Variants in ZXDC observed in about 807,000 individuals in gnomAD.
The protein encoded by ZXDC is zinc finger protein ZXDC.
In ZXDC, 58 loss-of-function variants were observed where a neutral mutation model predicts 63.6. The ratio of observed to expected loss-of-function variants is 0.91; its 90% CI spans 0.74 to 1.13. The LOEUF is 1.13. Ranked by LOEUF, ZXDC falls within the 50% of genes most tolerant of loss-of-function variation. ZXDC has a pLI of 0.00. For missense variants in ZXDC, 1,133 were observed against 1,148.9 expected (o/e 0.99, Z 0.20); for synonymous variants, 561 against 496.1 (o/e 1.13, Z -1.74).
At chr3:126,466,070 G>A (rs1934745350) in intron 5 of ZXDC, 85 bp downstream of exon 5, 1 of 1,482,250 alleles carries the variant, frequency 6.7e-7, no homozygotes, top group Non-Finnish European at 9.1e-7. Context: ...CCTTCCAAGA[G>A]GTGAAGAAGG....
intron 5 of ZXDC, among the ~76,000 whole-genome samples, chr3:126,465,356 T>C (rs1934715224): frequency 6.6e-6 from 1 of 152,252 alleles, no homozygotes; most frequent in African/African-American, 2.4e-5. Flanking sequence ...AGTCCCATGC[T>C]GCAAAGCTGC....
At chr3:126,446,409 A>T (rs1326328652) in intron 7 of ZXDC, among the ~76,000 whole-genome samples, 1 of 152,186 alleles carries the variant, frequency 6.6e-6, no homozygotes, top group Non-Finnish European at 1.5e-5. Flanking sequence ...CTTTCACCTC[A>T]CCGTGCCATG....
chr3:126,458,641 G>A (rs1934403042), intron 7 of ZXDC: 2 of 985,234 alleles, frequency 2.0e-6, no homozygotes, highest in Non-Finnish European at 2.4e-6. Flanking sequence ...GTAATAAATA[G>A]GACACGTGTT....
chr3:126,475,360 C>G lies in ZXDC; in HGVS notation c.506G>C (p.Gly169Ala). 2.0e-6 allele frequency: 3 copies of G among 1,478,664 alleles called. No homozygotes were observed. Among genetic ancestry groups the G allele is most frequent in the Non-Finnish European group, 2.7e-6 (3 of 1,115,050 alleles). The allele number at this position is 1,478,664 out of a possible 1,614,324, so 91.6% of individuals were successfully genotyped here. A position where few individuals can be genotyped will look rare whatever the true frequency, so the allele number is the denominator to read the frequency against. ...AAPRRAPQAS[G>A]PSTPGYRCPE... ...GCAGCGGTAGCCGGGCGTGCTGGGG[C>G]CGGAGGCCTGGGGCGCGCGGCGGGG... The change falls in exon 1 of 10, where the codon GGC becomes GCC. Residue 169 changes from glycine (G) to alanine (A), a missense_variant. Gly to Ala is a moderately conservative substitution (Grantham distance 60). Transcript: ENST00000389709.
At chr3:126,438,719 T>C (rs907954578) in intron 9 of ZXDC, among the ~76,000 whole-genome samples, 3 of 152,250 alleles carry the variant, frequency 2.0e-5, no homozygotes, top group Non-Finnish European at 2.9e-5. Flanking sequence ...TATGCCTTTT[T>C]ACAGAAACAA....
intron 7 of ZXDC, chr3:126,454,256 C>CAA: frequency 1.0e-6 from 1 of 984,790 alleles, no homozygotes; most frequent in Non-Finnish European, 1.2e-6. Context: ...TTTCAAACTG[C>CAA]TAGTTTCTAT....
intron 9 of ZXDC, among the ~76,000 whole-genome samples, chr3:126,438,923 G>A (rs558240939): frequency 9.9e-5 from 15 of 152,244 alleles, no homozygotes; most frequent in African/African-American, 3.4e-4. Context: ...TCCGGGCTAC[G>A]GTGATTATGT....
At chr3:126,460,375 C>A in intron 6 of ZXDC, 1 of 723,820 alleles carries the variant, frequency 1.4e-6, no homozygotes, top group Non-Finnish European at 1.7e-6. Context: ...TCGTAGCATA[C>A]CTGGGACCCA....
At chr3:126,447,007 C>A (rs142687805) in intron 7 of ZXDC, among the ~76,000 whole-genome samples, 428 of 152,312 alleles carry the variant, frequency 2.8e-3, no homozygotes, top group Middle Eastern at 0.014. Flanking sequence ...TGAGTGCTCA[C>A]CCTTTGCTTA....
At chr3:126,470,826 G>C in intron 4 of ZXDC, 69 bp downstream of exon 4, 1 of 1,587,854 alleles carries the variant, frequency 6.3e-7, no homozygotes, top group Non-Finnish European at 8.6e-7. Context: ...TTTAAACAAC[G>C]GAAACTTAAC....
At chr3:126,471,063 C>T in intron 3 of ZXDC, 38 bp from the exon 4 acceptor site, 1 of 1,603,740 alleles carries the variant, frequency 6.2e-7, no homozygotes, top group Non-Finnish European at 8.5e-7. Flanking sequence ...TGATTCCTCA[C>T]ACAACTCACC....
chr3:126,453,440 T>G (rs1934188194), intron 7 of ZXDC: 2 of 985,470 alleles, frequency 2.0e-6, no homozygotes, highest in South Asian at 9.4e-5. Context: ...TAGGAAGACA[T>G]CTGAGGCACA....
rs781441046 is a variant in ZXDC, at chr3:126,461,579, C to T, written c.2083G>A (p.Ala695Thr). ...TLPSPAEQHGAQDTELSAGTG... is the reference protein window; with the variant it reads ...TLPSPAEQHGTQDTELSAGTG... Reference sequence around the variant, plus strand: ...CCTGCACTGAGCTCTGTGTCCTGGGCACCGTGCTGCTCTGCTGGACTGGGC... The same window carrying T: ...CCTGCACTGAGCTCTGTGTCCTGGGTACCGTGCTGCTCTGCTGGACTGGGC... Residue 695 changes from alanine to threonine, a missense_variant, in exon 6 of 10, where the codon GCC (alanine) becomes ACC (threonine). Physicochemically the swap from Ala to Thr is moderately conservative, Grantham distance 58 (BLOSUM62 0). Coordinates refer to ENST00000389709, the MANE Select transcript of ZXDC (RefSeq NM_025112.5). 5 of 1,614,144 alleles carry T rather than the reference C, an allele frequency of 3.1e-6. No homozygotes were observed. The Admixed American group carries it at 5.0e-5, about 16-fold the overall frequency.
chr3:126,439,837 A>T (rs1385684760), intron 8 of ZXDC, 110 bp from the exon 9 acceptor site: 1 of 1,457,732 alleles, frequency 6.9e-7, no homozygotes, highest in Non-Finnish European at 9.0e-7. Context: ...GAACCAGCCC[A>T]CCCCCTGTAT....
chr3:126,446,167 A>G (rs770351944), intron 7 of ZXDC, among the ~76,000 whole-genome samples: 1 of 152,236 alleles, frequency 6.6e-6, no homozygotes, highest in South Asian at 2.1e-4. Context: ...ATTTTCAATC[A>G]TTATCCAAAA....
Position 126,475,558 on chromosome 3 carries a change from T to C in ZXDC, c.308A>G (p.Asn103Ser). The C allele has an allele frequency of 7.1e-7, 1 of 1,405,654 alleles. No homozygotes were observed. Among genetic ancestry groups the C allele is most frequent in the Non-Finnish European group, 9.3e-7 (1 of 1,076,680 alleles). The allele number at this position is 1,405,654 out of a possible 1,614,324, so 87.1% of individuals were successfully genotyped here. Reference protein sequence around the residue: ...SQEAEPGSRVNLASRPEQGPS... With the variant: ...SQEAEPGSRVSLASRPEQGPS... ...GCCCTGCTCGGGGCGGCTCGCCAGG[T>C]TGACACGGGAGCCAGGCTCGGCCTC... The change falls in exon 1 of 10, where the codon AAC becomes AGC. Residue 103 changes from asparagine to serine, a missense_variant. Coordinates refer to ENST00000389709, the MANE Select transcript of ZXDC (RefSeq NM_025112.5).
chr3:126,456,949 C>G (rs1934329365), intron 7 of ZXDC, among the ~76,000 whole-genome samples: 1 of 152,186 alleles, frequency 6.6e-6, no homozygotes, highest in Non-Finnish European at 1.5e-5. Flanking sequence ...GGCACCTCAC[C>G]CCCGTCTCCA....
intron 7 of ZXDC, among the ~76,000 whole-genome samples, chr3:126,447,625 C>A (rs1031755046): frequency 9.2e-5 from 14 of 152,208 alleles, no homozygotes; most frequent in Admixed American, 2.6e-4. Context: ...GGGATGCCAA[C>A]ATCTCTCCAC....
At chr3:126,441,436 C>T in intron 8 of ZXDC, 1 of 1,133,332 alleles carries the variant, frequency 8.8e-7, no homozygotes, top group African/African-American at 1.6e-5. Context: ...AGATCTCATC[C>T]TGCTGCAAAA....
Sources: allele counts gnomAD v4.1 joint callset (sites outside exome capture counted in the v4.1 genomes callset), GRCh38; gene constraint gnomAD v4.1.1; transcripts MANE v1.5; gene names NCBI Gene and HGNC (gene_info 2026-07-23, HGNC 2026-07-21).